The following PPWD1 variants were observed in gnomAD, a reference collection of about 807,000 sequenced individuals.
PPWD1 encodes peptidylprolyl isomerase domain and WD repeat-containing protein 1.
PPWD1 carries 43 observed loss-of-function variants against 68.8 expected under a neutral mutation model. The observed-to-expected ratio is 0.62, with a 90% CI of 0.49 to 0.81. The LOEUF is 0.81. Ranked by LOEUF, PPWD1 falls within the 30% of genes least tolerant of loss-of-function variation. The pLI is 0.00. For synonymous variants in PPWD1, 232 were observed against 258.7 expected (o/e 0.90, Z 0.99); for missense variants, 672 against 804.8 (o/e 0.83, Z 2.00).
At chr5:65,569,332 A>G (rs562266073) in intron 2 of PPWD1, 2 of 271,542 alleles carry the variant, frequency 7.4e-6, no homozygotes, top group East Asian at 1.0e-4. Flanking sequence ...AATTTTAGCA[A>G]TAAGGAATCC....
At chr5:65,586,998 G>C (rs1753878773) in intron 10 of PPWD1, among the ~76,000 whole-genome samples, 1 of 152,108 alleles carries the variant, frequency 6.6e-6, no homozygotes. Context: ...CTTTAGGGAA[G>C]ATCTTCCAGT....
Position 65,563,359 on chromosome 5 carries a change from C to G in PPWD1, c.49C>G (p.Arg17Gly), listed in dbSNP as rs561841164. 7 of 1,613,938 alleles carry G rather than the reference C, an allele frequency of 4.3e-6. No homozygotes were observed. The highest frequency in any genetic ancestry group is 5.1e-6 in the Non-Finnish European group (6 of 1,179,984). ...SDFQQRRRRR[R>G]DPEEPEKTEL... is the part of the protein sequence containing the mutation. ...TTTTCAGCAGAGACGTAGAAGGCGC[C>G]GGGACCCGGAGGAACCGGAAAAAAC... The change falls in exon 1 of 11, where the codon CGG (arginine) becomes GGG (glycine). Residue 17 changes from arginine (R) to glycine (G), a missense_variant. Transcript: ENST00000261308.
chr5:65,575,541 A>G (rs1008624826), intron 5 of PPWD1, among the ~76,000 whole-genome samples: 1 of 152,232 alleles, frequency 6.6e-6, no homozygotes, highest in Non-Finnish European at 1.5e-5. Context: ...TAAGCATGAA[A>G]TAAGGATAGA....
chr5:65,572,748 C>A lies in PPWD1; in HGVS notation c.969+462C>A, dbSNP rs1229671729. 4.6e-5 allele frequency among the ~76,000 whole-genome samples: 7 copies of A among 152,178 alleles called. No homozygotes were observed. The South Asian group carries it at 1.2e-3, about 27-fold the overall frequency. On this transcript the variant is annotated intron_variant, in intron 5 of 10. Coordinates refer to ENST00000261308, the MANE Select transcript of PPWD1 (RefSeq NM_015342.4). ...TCAAACCAGAAATCTAAGAGTTATC[C>A]TTAACTCTTTTACCCTTCTGTGTAA...
chr5:65,567,006 C>G (rs1465298578), intron 1 of PPWD1, among the ~76,000 whole-genome samples: 1 of 151,910 alleles, frequency 6.6e-6, no homozygotes, highest in Non-Finnish European at 1.5e-5. Flanking sequence ...AGAATTTTAC[C>G]ATGTTTAAAT....
At chr5:65,563,684 T>G in intron 1 of PPWD1, 178 bp downstream of exon 1, 2 of 1,348,740 alleles carry the variant, frequency 1.5e-6, no homozygotes, top group East Asian at 5.0e-5. Context: ...GATTTAAGCG[T>G]AGTACAACGT....
chr5:65,571,886 T>C lies in PPWD1; in HGVS notation c.569T>C (p.Ile190Thr). ...TGGATCTATTGCCCAGGGGATGCAA[T>C]TTCTTCAGTTGCTGCTTCCGAAAAG... is the stretch of plus-strand genomic sequence containing the variant. ...CEWIYCPGDA[I>T]SSVAASEKST... The change falls in exon 5 of 11, where the codon ATT becomes ACT. Residue 190 changes from isoleucine to threonine, a missense_variant. Transcript: ENST00000261308. The C allele has an allele frequency of 6.2e-7, 1 of 1,614,102 alleles. No homozygotes were observed. The highest frequency in any genetic ancestry group is 8.5e-7 in the Non-Finnish European group (1 of 1,179,980).
At chr5:65,570,179 A>G in intron 4 of PPWD1, 181 bp downstream of exon 4, 4 of 903,222 alleles carry the variant, frequency 4.4e-6, no homozygotes, top group Non-Finnish European at 4.0e-6. Flanking sequence ...AGCATCTGCT[A>G]TGATTTGTTA....
At position 65,572,043 on chromosome 5, in the gene PPWD1, C is replaced by A. The variant is rs1022484642; in HGVS notation, c.726C>A (p.Asp242Glu). 6.2e-7 allele frequency: 1 copy of A among 1,613,842 alleles called. No individual in the cohort carries two copies. Among genetic ancestry groups the A allele is most frequent in the African/African-American group, 1.3e-5 (1 of 74,910 alleles). Residue 242 changes from aspartate (D) to glutamate (E), a missense_variant, in exon 5 of 11, where the codon GAC becomes GAA. Physicochemically the swap from Asp to Glu is conservative, Grantham distance 45 (BLOSUM62 2). Transcript: ENST00000261308. ...TTTACAAAGCAGTAGTGTCTTCTGACAAATCTGGGATGATTGAATACTGGA... is the reference window on the plus strand; with the variant it reads ...TTTACAAAGCAGTAGTGTCTTCTGAAAAATCTGGGATGATTGAATACTGGA... ...NPVYKAVVSSDKSGMIEYWTG... is the reference protein window; with the variant it reads ...NPVYKAVVSSEKSGMIEYWTG...
At chr5:65,578,135 A>G (rs1297926462) in intron 6 of PPWD1, among the ~76,000 whole-genome samples, 1 of 152,186 alleles carries the variant, frequency 6.6e-6, no homozygotes, top group Non-Finnish European at 1.5e-5. Flanking sequence ...TTTCGGTAAT[A>G]TGCATTTAAG....
chr5:65,577,110 G>A (rs997802756), intron 6 of PPWD1, 41 bp downstream of exon 6: 2 of 1,568,988 alleles, frequency 1.3e-6, no homozygotes, highest in South Asian at 2.4e-5. Context: ...AAATGTGTTT[G>A]TGGGGGACCA....
intron 5 of PPWD1, among the ~76,000 whole-genome samples, chr5:65,574,608 C>T (rs1203054665): frequency 8.6e-5 from 13 of 151,316 alleles, no homozygotes; most frequent in African/African-American, 2.2e-4. Context: ...GGACTACAGG[C>T]GCCCGCCACT....
chr5:65,569,486 A>G, intron 2 of PPWD1, 146 bp from the exon 3 acceptor site: 14 of 916,958 alleles, frequency 1.5e-5, no homozygotes, highest in Non-Finnish European at 2.0e-5. Context: ...GTGTTCTGTA[A>G]TATAGTGGTC....
intron 6 of PPWD1, among the ~76,000 whole-genome samples, chr5:65,578,773 C>A (rs376852229): frequency 1.6e-5 from 1 of 63,648 alleles, no homozygotes; most frequent in Admixed American, 1.3e-4. Context: ...TATATATATA[C>A]ATATATATGT....
intron 1 of PPWD1, 71 bp downstream of exon 1, chr5:65,563,577 C>T (rs1214494620): frequency 2.3e-5 from 34 of 1,505,340 alleles, no homozygotes; most frequent in Non-Finnish European, 2.9e-5. Context: ...CAAGCCAGAT[C>T]CGAAGAGGGA....
chr5:65,586,274 T>A, intron 10 of PPWD1, 93 bp downstream of exon 10: 3 of 1,225,070 alleles, frequency 2.4e-6, no homozygotes. Context: ...TTCTGTATTT[T>A]CTGCATTATT....
chr5:65,567,342 G>C, intron 1 of PPWD1, 171 bp from the exon 2 acceptor site: 1 of 694,832 alleles, frequency 1.4e-6, no homozygotes, highest in East Asian at 1.3e-4. Flanking sequence ...TGAAATAATA[G>C]ACGTTAAAAC....
At chr5:65,563,587 A>T (rs773342381) in intron 1 of PPWD1, 81 bp downstream of exon 1, 6 of 1,488,334 alleles carry the variant, frequency 4.0e-6, no homozygotes, top group South Asian at 1.3e-5. Flanking sequence ...CCGAAGAGGG[A>T]TGATGTGTGG....
chr5:65,587,129 ACTT>A (rs1753883207), intron 10 of PPWD1, 121 bp from the exon 11 acceptor site: 4 of 1,050,542 alleles, frequency 3.8e-6, no homozygotes, highest in Admixed American at 3.2e-5. Flanking sequence ...AAATTATTGT[ACTT>A]CTTTTTAAAT....
Sources: gnomAD v4.1 joint callset for allele counts (sites outside exome capture counted in the v4.1 genomes callset) on GRCh38, gnomAD v4.1.1 for gene constraint, MANE v1.5 for transcripts, NCBI Gene and HGNC (gene_info 2026-07-23, HGNC 2026-07-21) for gene names.